ABCC9: variants seen among roughly 807,000 people sequenced by gnomAD.
The protein encoded by ABCC9 is ATP binding cassette subfamily C member 9.
ABCC9 carries 95 observed loss-of-function variants against 188.3 expected under a neutral mutation model. The observed-to-expected ratio is 0.50, with a 90% CI of 0.43 to 0.60. The LOEUF (loss-of-function observed/expected upper bound fraction) is 0.60, where lower values mean the gene tolerates loss of function less well. ABCC9 is among the 20% of genes least tolerant of loss of function. The pLI, the probability that ABCC9 is intolerant of heterozygous loss-of-function variation, is 0.00. For synonymous variants in ABCC9, 659 were observed against 652.7 expected (o/e 1.01, Z -0.15); for missense variants, 1,102 against 1,876.3 (o/e 0.59, Z 7.62).
chr12:21,862,770 A>G (rs1013312075), intron 20 of ABCC9, among the ~76,000 whole-genome samples, 183 bp downstream of exon 20: 24 of 152,122 alleles, frequency 1.6e-4, no homozygotes, highest in South Asian at 4.1e-4. Context: ...GATGGGCTGG[A>G]ACTTCCAGTG....
At chr12:21,938,065 A>C (rs978945054) in intron 2 of ABCC9, 1 of 124,558 alleles carries the variant, frequency 8.0e-6, no homozygotes, top group African/African-American at 3.1e-5. Flanking sequence ...AATGGTCACA[A>C]ACAATACTTT....
intron 16 of ABCC9, among the ~76,000 whole-genome samples, chr12:21,880,374 A>G (rs895491116): frequency 5.3e-5 from 8 of 152,278 alleles, no homozygotes; most frequent in African/African-American, 1.9e-4. Flanking sequence ...AGCATTAACC[A>G]TAAAGGAAAA....
chr12:21,817,005 A>T (rs975428341), intron 33 of ABCC9, among the ~76,000 whole-genome samples, 182 bp downstream of exon 33: 3 of 152,164 alleles, frequency 2.0e-5, no homozygotes, highest in African/African-American at 7.2e-5. Flanking sequence ...TTTATCCAAG[A>T]CTTTTCAGGC....
At chr12:21,830,537 T>G (rs1454570523) in intron 30 of ABCC9, among the ~76,000 whole-genome samples, 2 of 152,240 alleles carry the variant, frequency 1.3e-5, no homozygotes, top group Admixed American at 6.5e-5. Context: ...ATTGTAAAAA[T>G]GTATAATAAA....
At chr12:21,807,576 A>G in intron 37 of ABCC9, 97 bp from the exon 38 acceptor site, 1 of 1,521,070 alleles carries the variant, frequency 6.6e-7, no homozygotes, top group Non-Finnish European at 9.0e-7. Flanking sequence ...GTATGACAGC[A>G]TGATGGATAT....
At chr12:21,833,889 C>T (rs1339787457) in intron 30 of ABCC9, among the ~76,000 whole-genome samples, 1 of 152,160 alleles carries the variant, frequency 6.6e-6, no homozygotes, top group Non-Finnish European at 1.5e-5. Context: ...TTGAAAATGT[C>T]TAGTTCATTA....
At chr12:21,850,167 C>T (rs1028768155) in intron 24 of ABCC9, among the ~76,000 whole-genome samples, 3 of 150,898 alleles carry the variant, frequency 2.0e-5, no homozygotes, top group Non-Finnish European at 4.4e-5. Context: ...ATGCTAATAG[C>T]ATCCCCCTGC....
In ABCC9 at chr12:21,800,789, G is replaced by C. The variant is rs1941388353; in HGVS notation, c.*255C>G. 2.1e-6 allele frequency: 1 copy of C among 475,092 alleles called. No homozygotes were observed. The allele number at this position is 475,092 out of a possible 1,614,324, so 29.4% of individuals were successfully genotyped here. On this transcript the variant is annotated 3_prime_UTR_variant, in exon 40 of 40. Coordinates refer to ENST00000261200, the MANE Select transcript of ABCC9 (RefSeq NM_020297.4). ...AGCTATTGATTTATCACTTAAAGTA[G>C]CTTACATGTTTTAATACAACCTAGC...
At chr12:21,811,114 T>G (rs111656030) in intron 36 of ABCC9, among the ~76,000 whole-genome samples, 2,732 of 152,264 alleles carry the variant, frequency 0.018, 76 homozygotes, top group African/African-American at 0.062. Flanking sequence ...TCCCCCATGC[T>G]GTTCTCATGA....
intron 30 of ABCC9, among the ~76,000 whole-genome samples, chr12:21,830,611 C>A (rs111686592): frequency 8.5e-5 from 13 of 152,312 alleles, no homozygotes; most frequent in African/African-American, 3.1e-4. Flanking sequence ...CTGAAGTAAT[C>A]CATACAGGCC....
intron 15 of ABCC9, among the ~76,000 whole-genome samples, chr12:21,883,190 T>C (rs1350826833): frequency 6.6e-6 from 1 of 152,192 alleles, no homozygotes; most frequent in Non-Finnish European, 1.5e-5. Flanking sequence ...GCCCAGGCAA[T>C]AAAAACAACT....
chr12:21,930,340 A>G (rs892052928), intron 4 of ABCC9, among the ~76,000 whole-genome samples: 1 of 152,188 alleles, frequency 6.6e-6, no homozygotes, highest in African/African-American at 2.4e-5. Context: ...GATAATTATA[A>G]AAGTGTAACA....
chr12:21,931,361 G>T (rs979181076), intron 4 of ABCC9, among the ~76,000 whole-genome samples: 4 of 151,758 alleles, frequency 2.6e-5, no homozygotes, highest in African/African-American at 9.7e-5. Flanking sequence ...CCCCAGCCAT[G>T]TGGAATTATG....
At chr12:21,827,132 G>A (rs1943428856) in intron 31 of ABCC9, 17 of 985,384 alleles carry the variant, frequency 1.7e-5, no homozygotes, top group Non-Finnish European at 2.0e-5. Flanking sequence ...ATTGGGTTAT[G>A]AGACAAACTA....
intron 17 of ABCC9, among the ~76,000 whole-genome samples, chr12:21,872,943 T>C (rs1458157143): frequency 2.0e-5 from 3 of 151,642 alleles, no homozygotes; most frequent in African/African-American, 7.2e-5. Flanking sequence ...TTTAAAACTA[T>C]GAAAATAGCT....
intron 4 of ABCC9, among the ~76,000 whole-genome samples, chr12:21,927,303 G>C (rs1368771493): frequency 6.6e-6 from 1 of 152,162 alleles, no homozygotes; most frequent in Non-Finnish European, 1.5e-5. Flanking sequence ...GATCAGATTT[G>C]TTTTAAACGG....
At chr12:21,878,407 C>G (rs919160699) in intron 16 of ABCC9, among the ~76,000 whole-genome samples, 4 of 152,144 alleles carry the variant, frequency 2.6e-5, no homozygotes, top group Non-Finnish European at 5.9e-5. Context: ...AACCTCATGC[C>G]TTCTACACAT....
chr12:21,854,386 T>C (rs1053705692), intron 22 of ABCC9, among the ~76,000 whole-genome samples: 7 of 152,210 alleles, frequency 4.6e-5, no homozygotes, highest in Non-Finnish European at 1.0e-4. Flanking sequence ...TTTTGATAGT[T>C]AAAGGGTAAT....
chr12:21,899,917 C>G (rs983797923), intron 12 of ABCC9, among the ~76,000 whole-genome samples: 2 of 152,168 alleles, frequency 1.3e-5, no homozygotes, highest in Non-Finnish European at 2.9e-5. Context: ...CAGAAAAAAC[C>G]TCTGCAGACT....
Sources: gnomAD v4.1 joint callset for allele counts (sites outside exome capture counted in the v4.1 genomes callset) on GRCh38, gnomAD v4.1.1 for gene constraint, MANE v1.5 for transcripts, NCBI Gene and HGNC (gene_info 2026-07-23, HGNC 2026-07-21) for gene names.